The following C2CD3 variants were observed in gnomAD, a reference collection of about 807,000 sequenced individuals.
C2CD3 encodes C2 domain containing 3 centriole elongation regulator.
C2CD3 carries 148 observed loss-of-function variants against 234.0 expected under a neutral mutation model. The observed-to-expected ratio is 0.63, with a 90% confidence interval of 0.55 to 0.72. The LOEUF (loss-of-function observed/expected upper bound fraction) is 0.72, where lower values mean the gene tolerates loss of function less well. Among genes scored for constraint, C2CD3 ranks in the 30% least tolerant of loss-of-function variants. The probability of loss-of-function intolerance (pLI) is 0.00; values close to 1 mark genes in which losing one functional copy is unlikely to be tolerated. For synonymous variants in C2CD3, 1,000 were observed against 1,035.4 expected (o/e 0.97, Z 0.66); for missense variants, 2,577 against 2,811.5 (o/e 0.92, Z 1.89).
intron 24 of C2CD3, among the ~76,000 whole-genome samples, chr11:74,062,738 T>C (rs9736747): frequency 0.097 from 14,649 of 150,968 alleles, 1,970 homozygotes; most frequent in African/African-American, 0.31. Flanking sequence ...AGCAAACACA[T>C]TCAAAAGCTA....
intron 15 of C2CD3, among the ~76,000 whole-genome samples, chr11:74,098,737 G>T (rs889239270): frequency 5.9e-5 from 9 of 152,130 alleles, no homozygotes; most frequent in African/African-American, 2.2e-4. Flanking sequence ...CACTATTAAT[G>T]GATGAGAAAA....
chr11:74,090,772 G>A, intron 20 of C2CD3, 41 bp downstream of exon 20: 2 of 1,610,812 alleles, frequency 1.2e-6, no homozygotes, highest in Non-Finnish European at 1.7e-6. Flanking sequence ...AATGATTGCA[G>A]TGTAAAAGGC....
intron 16 of C2CD3, among the ~76,000 whole-genome samples, chr11:74,095,711 T>G (rs1956078508): frequency 6.6e-6 from 1 of 152,196 alleles, no homozygotes; most frequent in Non-Finnish European, 1.5e-5. Flanking sequence ...ATTCAACATT[T>G]GTTCCTGATA....
At chr11:74,107,707 C>T (rs958036581) in intron 12 of C2CD3, among the ~76,000 whole-genome samples, 114 of 152,134 alleles carry the variant, frequency 7.5e-4, no homozygotes, top group African/African-American at 2.6e-3. Flanking sequence ...AATTATACAA[C>T]ATACTGTATT....
At chr11:74,053,105 T>A (rs763564830) in intron 26 of C2CD3, among the ~76,000 whole-genome samples, 6 of 152,256 alleles carry the variant, frequency 3.9e-5, no homozygotes, top group Non-Finnish European at 8.8e-5. Flanking sequence ...GTGAAGGCTG[T>A]ACAGCCAGTA....
At chr11:74,147,344 G>A (rs888227863) in intron 3 of C2CD3, among the ~76,000 whole-genome samples, 7 of 152,148 alleles carry the variant, frequency 4.6e-5, no homozygotes, top group African/African-American at 1.4e-4. Context: ...TTGAGCCCAG[G>A]AGGTCAAGGC....
intron 3 of C2CD3, among the ~76,000 whole-genome samples, chr11:74,157,703 T>C (rs1224178321): frequency 6.6e-6 from 1 of 152,206 alleles, no homozygotes; most frequent in East Asian, 1.9e-4. Flanking sequence ...TAGAATACAA[T>C]TGACAAAGTA....
chr11:74,170,774 G>C lies in C2CD3; in HGVS notation c.19C>G (p.Gln7Glu), dbSNP rs1422838383. 1 of 1,613,970 alleles carries C rather than the reference G, an allele frequency of 6.2e-7. No individual in the cohort carries two copies. The highest frequency in any genetic ancestry group is 8.5e-7 in the Non-Finnish European group (1 of 1,180,014). The change falls in exon 1 of 33, where the codon CAA becomes GAA. Residue 7 changes from glutamine (Q) to glutamate (E), a missense_variant. By Grantham distance (29) the Gln-to-Glu change is conservative. Coordinates refer to ENST00000334126, the MANE Select transcript of C2CD3 (RefSeq NM_001286577.2). ...CGCCCACGGCTGCCCCCAGACCCTT[G>C]GCCTTTTCGTTGTTTCATGATGAGC... is the stretch of plus-strand genomic sequence containing the variant. The part of the protein sequence containing the change: MKQRKG[Q>E]GSGGSRGRKK...
rs938277558 is a variant in C2CD3 at position 74,117,908 on chromosome 11, C to T, written c.1520+320G>A. ...AGTCTGGGAAACAAGAGCGAAACTC[C>T]GTCTCAAAAAAAAAAAAAAAAAGAC... On this transcript the variant is annotated intron_variant, in intron 9 of 32. Transcript: ENST00000334126. 4.2e-5 allele frequency among the ~76,000 whole-genome samples: 6 copies of T among 143,686 alleles called. No homozygotes were observed. In the East Asian group the frequency reaches 6.0e-4, roughly 14 times the overall value. 94.3% of individuals were successfully genotyped at this position (143,686 alleles called of 152,430 possible). A position where few individuals can be genotyped will look rare whatever the true frequency, so the allele number is the denominator to read the frequency against.
In C2CD3 at chr11:74,078,150, A is replaced by C. The variant is rs764966083; in HGVS notation, c.4568T>G (p.Leu1523Arg). The change falls in exon 23 of 33, where the codon CTT becomes CGT. Residue 1523 changes from leucine to arginine, a missense_variant. By Grantham distance (102) the Leu-to-Arg change is moderately radical. Coordinates refer to ENST00000334126, the MANE Select transcript of C2CD3 (RefSeq NM_001286577.2). ...TAGCGTCCTCGCTGACCTCTCCCCA[A>C]GTCTGGCCAGGTCCACATAGGCTGA... is the stretch of plus-strand genomic sequence containing the variant. The part of the protein sequence containing the change: ...IGSAYVDLAR[L>R]GERSARTLTV... 3 of 1,613,844 alleles carry C rather than the reference A, an allele frequency of 1.9e-6. No homozygotes were observed. The highest frequency in any genetic ancestry group is 3.3e-5 in the Admixed American group (2 of 59,968).
intron 29 of C2CD3, among the ~76,000 whole-genome samples, chr11:74,038,480 A>G (rs1952853022): frequency 6.6e-6 from 1 of 152,172 alleles, no homozygotes; most frequent in Non-Finnish European, 1.5e-5. Context: ...AAGCAACTTG[A>G]GTTTCAGAGA....
chr11:74,015,295 T>A (rs142601627), intron 32 of C2CD3, among the ~76,000 whole-genome samples: 1 of 152,346 alleles, frequency 6.6e-6, no homozygotes, highest in African/African-American at 2.4e-5. Flanking sequence ...GGGAGGAGAC[T>A]CTTTGTAGTA....
At chr11:74,084,819 C>G in intron 22 of C2CD3, 62 bp downstream of exon 22, 2 of 960,886 alleles carry the variant, frequency 2.1e-6, no homozygotes, top group South Asian at 2.6e-5. Flanking sequence ...GAGAAGATTA[C>G]CTCTTGTAGG....
chr11:74,164,602 C>T lies in C2CD3; in HGVS notation c.326-3046G>A, dbSNP rs1856686639. On this transcript the variant is annotated intron_variant, in intron 2 of 32. Transcript: ENST00000334126. ...CAAATGTACAGGGCCTCAGAGCATG[C>T]TTTCTAGTGCTCTGCAGAGGCTTCA... is the stretch of plus-strand genomic sequence containing the variant. Among the ~76,000 whole-genome samples, 4 of 152,158 alleles carry T rather than the reference C, an allele frequency of 2.6e-5. No individual in the cohort carries two copies. In the South Asian group the frequency reaches 8.3e-4, roughly 31 times the overall value.
rs995649557 is a variant in C2CD3, at chr11:74,030,667, C to T, written c.6810-2269G>A. Among the ~76,000 whole-genome samples the T allele has an allele frequency of 4.6e-5, 7 of 152,286 alleles. No homozygotes were observed. In the South Asian group the frequency reaches 6.2e-4, roughly 14 times the overall value. ...TCTGCCTCTGTGTGTTTGGTTCCCC[C>T]TTCCCAGGCTCTTCTTGCTGCCCTC... On this transcript the variant is annotated intron_variant, in intron 31 of 32. Coordinates refer to ENST00000334126, the MANE Select transcript of C2CD3 (RefSeq NM_001286577.2).
At chr11:74,084,263 G>A (rs1955533023) in intron 22 of C2CD3, among the ~76,000 whole-genome samples, 1 of 151,978 alleles carries the variant, frequency 6.6e-6, no homozygotes, top group Non-Finnish European at 1.5e-5. Context: ...TGGACACACG[G>A]CGGGGAACAT....
At chr11:74,141,326 C>T (rs1003800489) in intron 3 of C2CD3, among the ~76,000 whole-genome samples, 3 of 152,154 alleles carry the variant, frequency 2.0e-5, no homozygotes, top group African/African-American at 4.8e-5. Flanking sequence ...GACAGCAATG[C>T]GGTGGGATGA....
At chr11:74,081,647 C>T (rs940699621) in intron 22 of C2CD3, among the ~76,000 whole-genome samples, 4 of 152,126 alleles carry the variant, frequency 2.6e-5, no homozygotes, top group African/African-American at 9.7e-5. Context: ...ATCATCATCA[C>T]CACCATCTTT....
At chr11:74,110,343 T>C (rs952189859) in intron 11 of C2CD3, among the ~76,000 whole-genome samples, 29 of 152,288 alleles carry the variant, frequency 1.9e-4, no homozygotes, top group African/African-American at 7.0e-4. Flanking sequence ...AATGACCCAT[T>C]TTAACCTACT....
Sources: allele counts gnomAD v4.1 joint callset (sites outside exome capture counted in the v4.1 genomes callset), GRCh38; gene constraint gnomAD v4.1.1; transcripts MANE v1.5; gene names NCBI Gene and HGNC (gene_info 2026-07-23, HGNC 2026-07-21).